The following USP6NL variants were observed in gnomAD, a reference collection of about 807,000 sequenced individuals.
USP6NL encodes the protein USP6 N-terminal like, also known as USP6 N-terminal-like protein.
A neutral mutation model predicts 61.9 loss-of-function variants in USP6NL; 26 were observed. That is an observed-to-expected ratio of 0.42 (90% CI 0.31 to 0.58). The LOEUF (loss-of-function observed/expected upper bound fraction) is 0.58, where lower values mean the gene tolerates loss of function less well. Ranked by LOEUF, USP6NL falls within the 20% of genes least tolerant of loss-of-function variation. The probability of loss-of-function intolerance (pLI) is 0.16; values close to 1 mark genes in which losing one functional copy is unlikely to be tolerated. For missense variants in USP6NL, 1,114 were observed against 1,034.3 expected (o/e 1.08, Z -1.06); for synonymous variants, 432 against 390.1 (o/e 1.11, Z -1.27).
At chr10:11,586,971 G>A (rs1260377904) in intron 2 of USP6NL, among the ~76,000 whole-genome samples, 4 of 151,954 alleles carry the variant, frequency 2.6e-5, no homozygotes, top group Non-Finnish European at 4.4e-5. Flanking sequence ...CCTTAAAGTG[G>A]TCCTCCCAAC....
At position 11,485,047 on chromosome 10, in the gene USP6NL, T is replaced by C; in HGVS notation, c.849A>G (p.Arg283=). 1.3e-6 allele frequency: 2 copies of C among 1,551,056 alleles called. No individual in the cohort carries two copies. Among genetic ancestry groups the C allele is most frequent in the African/African-American group, 2.7e-5 (2 of 73,220 alleles). The stretch of plus-strand genomic sequence containing the variant: ...CTTCAAAGATGTAGATATCCCATAT[T>C]CTGAGGTTTAGTGTAAAGGGAGTCT... ...LDRTPFTLNL[R]IWDIYIFEGE... Residue 283 remains arginine (R), a synonymous_variant, in exon 13 of 15, where the codon AGA becomes AGG. Transcript: ENST00000609104. The surrounding 1 kb of genome is among the most constrained non-coding windows in gnomAD (Gnocchi z 4.8).
chr10:11,583,055 G>A (rs1837838868), intron 2 of USP6NL, among the ~76,000 whole-genome samples: 1 of 151,402 alleles, frequency 6.6e-6, no homozygotes, highest in Non-Finnish European at 1.5e-5. Context: ...AATTACAATT[G>A]AGATGATTCT....
At chr10:11,577,685 C>G (rs2133593459) in intron 2 of USP6NL, among the ~76,000 whole-genome samples, 2 of 151,848 alleles carry the variant, frequency 1.3e-5, no homozygotes, top group East Asian at 2.0e-4. Flanking sequence ...TTAGTAAAGA[C>G]AGGGTTTCAC....
chr10:11,464,011 C>G (rs888084994), intron 14 of USP6NL, among the ~76,000 whole-genome samples, 162 bp from the exon 15 acceptor site: 1 of 152,202 alleles, frequency 6.6e-6, no homozygotes, highest in Non-Finnish European at 1.5e-5. Flanking sequence ...CTTACACACA[C>G]TGTTTATACC....
At position 11,485,065 on chromosome 10, in the gene USP6NL, G is replaced by C; in HGVS notation, c.831C>G (p.Pro277=). ...WFFQCFLDRT[P]FTLNLRIWDI... ...CCCATATTCTGAGGTTTAGTGTAAA[G>C]GGAGTCTACAATTAAAAGCAAAACA... The change falls in exon 13 of 15, where the codon CCC becomes CCG. Residue 277 remains proline, a synonymous_variant. Coordinates refer to ENST00000609104, the MANE Select transcript of USP6NL (RefSeq NM_014688.5). The surrounding 1 kb of genome is among the most constrained non-coding windows in gnomAD (Gnocchi z 4.8). The C allele has an allele frequency of 1.3e-6, 2 of 1,543,630 alleles. No homozygotes were observed. Among genetic ancestry groups the C allele is most frequent in the Non-Finnish European group, 1.7e-6 (2 of 1,145,124 alleles).
At position 11,574,179 on chromosome 10, in the gene USP6NL, C is replaced by A. The variant is rs941350418; in HGVS notation, c.4+23452G>T. Reference sequence around the variant, plus strand: ...ATACTTTTTTCCAATTTCTCAAAAACCTTGTATTTGAAACGGAAAATAAAA... The same window carrying A: ...ATACTTTTTTCCAATTTCTCAAAAAACTTGTATTTGAAACGGAAAATAAAA... On this transcript the variant is annotated intron_variant, in intron 2 of 14. Coordinates refer to ENST00000609104, the MANE Select transcript of USP6NL (RefSeq NM_014688.5). The surrounding 1 kb of genome is among the most constrained non-coding windows in gnomAD (Gnocchi z 4.3). 3.3e-5 allele frequency among the ~76,000 whole-genome samples: 5 copies of A among 152,168 alleles called. No homozygotes were observed. Among genetic ancestry groups the A allele is most frequent in the African/African-American group, 1.2e-4 (5 of 41,434 alleles).
intron 2 of USP6NL, among the ~76,000 whole-genome samples, chr10:11,586,105 G>A (rs924810499): frequency 3.9e-5 from 6 of 152,144 alleles, no homozygotes; most frequent in Admixed American, 2.6e-4. Flanking sequence ...AATTTTTTAA[G>A]TTATCCTGTC....
Position 11,527,519 on chromosome 10 carries a change from A to G in USP6NL, c.53T>C (p.Ile18Thr). 6.2e-7 allele frequency: 1 copy of G among 1,608,016 alleles called. No individual in the cohort carries two copies. Among genetic ancestry groups the G allele is most frequent in the Non-Finnish European group, 8.5e-7 (1 of 1,176,974 alleles). The change falls in exon 3 of 15, where the codon ATA (isoleucine) becomes ACA (threonine). Residue 18 changes from isoleucine to threonine, a missense_variant. By Grantham distance (89) the Ile-to-Thr change is moderately conservative (BLOSUM62 -1). Transcript: ENST00000609104. ...ACTTACTCTGTCATATTTAGCAACT[A>G]TTTCAGCTCGCTCCTGGGCAAGTTT... ...ALKLAQERAE[I>T]VAKYDRGREG...
chr10:11,585,337 C>T lies in USP6NL; in HGVS notation c.4+12294G>A, dbSNP rs1837925502. 6.6e-6 allele frequency among the ~76,000 whole-genome samples: 1 copy of T among 152,106 alleles called. No individual in the cohort carries two copies. ...GAATTACAGTATGATCCAGCAATTC[C>T]ACTTCTTGGTACAGACCCAGAAGAA... On this transcript the variant is annotated intron_variant, in intron 2 of 14. Transcript: ENST00000609104. The surrounding 1 kb of genome is among the most constrained non-coding windows in gnomAD (Gnocchi z 4.5).
intron 8 of USP6NL, 51 bp downstream of exon 8, chr10:11,493,068 A>C: frequency 6.8e-7 from 1 of 1,479,390 alleles, no homozygotes. Flanking sequence ...TAAGTTAATA[A>C]AGACTATTTA....
intron 2 of USP6NL, among the ~76,000 whole-genome samples, chr10:11,576,572 C>A (rs916071060): frequency 6.6e-6 from 1 of 152,192 alleles, no homozygotes; most frequent in African/African-American, 2.4e-5. Context: ...ATCTATGAAC[C>A]AGAAAGCAGG....
intron 2 of USP6NL, among the ~76,000 whole-genome samples, chr10:11,579,156 A>C (rs1837655129): frequency 6.6e-6 from 1 of 152,236 alleles, no homozygotes. Flanking sequence ...TTAGAGACTT[A>C]AGACACTCAT....
intron 2 of USP6NL, among the ~76,000 whole-genome samples, chr10:11,594,604 C>T (rs185043856): frequency 3.9e-5 from 6 of 152,314 alleles, no homozygotes; most frequent in Admixed American, 3.3e-4. Context: ...TCACTAGCAA[C>T]ACCTATGTGG....
chr10:11,586,304 C>T (rs901041945), intron 2 of USP6NL, among the ~76,000 whole-genome samples: 1 of 148,238 alleles, frequency 6.7e-6, no homozygotes, highest in Non-Finnish European at 1.5e-5. Flanking sequence ...TATGGAATTC[C>T]AGTTTAATGA....
rs1838149928 is a variant in USP6NL at position 11,591,223 on chromosome 10, C to T, written c.4+6408G>A. ...AACTTACTGCTTTCAGAATGGAATT[C>T]GAAATAGTTCTCTTAAGAATGGAGA... is the stretch of plus-strand genomic sequence containing the variant. On this transcript the variant is annotated intron_variant, in intron 2 of 14. Transcript: ENST00000609104. The surrounding 1 kb of genome is among the most constrained non-coding windows in gnomAD (Gnocchi z 4.7). Among the ~76,000 whole-genome samples the T allele has an allele frequency of 6.6e-6, 1 of 151,974 alleles. No homozygotes were observed. The highest frequency in any genetic ancestry group is 2.1e-4 in the South Asian group (1 of 4,824).
At chr10:11,526,455 G>A (rs781337399) in intron 3 of USP6NL, among the ~76,000 whole-genome samples, 1 of 152,154 alleles carries the variant, frequency 6.6e-6, no homozygotes, top group Non-Finnish European at 1.5e-5. Context: ...CACACAAGCA[G>A]GAATGAATGA....
At chr10:11,580,954 A>G (rs1837742551) in intron 2 of USP6NL, among the ~76,000 whole-genome samples, 1 of 152,100 alleles carries the variant, frequency 6.6e-6, no homozygotes, top group South Asian at 2.1e-4. Flanking sequence ...TTGGCCCTAA[A>G]TATAAAAAGT....
chr10:11,566,829 G>C (rs1837178766), intron 2 of USP6NL, among the ~76,000 whole-genome samples: 1 of 152,228 alleles, frequency 6.6e-6, no homozygotes, highest in Admixed American at 6.5e-5. Context: ...GAGAGGAATG[G>C]TGCGGGGCAC....
Position 11,485,850 on chromosome 10 carries a change from C to A in USP6NL, c.726G>T (p.Leu242=). 6.4e-7 allele frequency: 1 copy of A among 1,556,554 alleles called. No homozygotes were observed. The highest frequency in any genetic ancestry group is 1.2e-5 in the South Asian group (1 of 83,732). ...LRFQEHHEKI[L]NKFLSKLKQH... Reference sequence around the variant, plus strand: ...GCTTAAGCTTGGACAGAAATTTGTTCAGTATTTTTTCATGATGTTCTTGAA... The same window carrying A: ...GCTTAAGCTTGGACAGAAATTTGTTAAGTATTTTTTCATGATGTTCTTGAA... The change falls in exon 11 of 15, where the codon CTG becomes CTT. Residue 242 remains leucine, a synonymous_variant. Coordinates refer to ENST00000609104, the MANE Select transcript of USP6NL (RefSeq NM_014688.5). This position sits in a 1 kb window ranked among gnomAD's most constrained non-coding sequence, Gnocchi z 4.8.
Sources: gnomAD v4.1 joint callset for allele counts (sites outside exome capture counted in the v4.1 genomes callset) on GRCh38, gnomAD v4.1.1 for gene constraint, Gnocchi (gnomAD v3.1) non-coding constraint, MANE v1.5 for transcripts, NCBI Gene and HGNC (gene_info 2026-07-23, HGNC 2026-07-21) for gene names.